Variants in LHFPL3 observed in about 807,000 individuals in gnomAD.
LHFPL3 encodes LHFPL tetraspan subfamily member 3.
Under a neutral mutation model 19.3 loss-of-function variants are expected in LHFPL3, and 5 were observed. The observed-to-expected ratio is 0.26, with a 90% CI of 0.14 to 0.54. The LOEUF (loss-of-function observed/expected upper bound fraction) is 0.54, where lower values mean the gene tolerates loss of function less well. Among genes scored for constraint, LHFPL3 ranks in the 20% least tolerant of loss-of-function variants. The pLI is 0.94. For missense variants in LHFPL3, 249 were observed against 307.4 expected (o/e 0.81, Z 1.42); for synonymous variants, 133 against 126.2 (o/e 1.05, Z -0.36).
intron 1 of LHFPL3, among the ~76,000 whole-genome samples, chr7:104,520,568 A>G (rs1397721517): frequency 3.6e-5 from 5 of 137,656 alleles, no homozygotes; most frequent in Admixed American, 7.5e-5. Context: ...CTGTGAATCC[A>G]TCTGGTCCTG....
At chr7:104,596,295 T>C (rs1048885384) in intron 1 of LHFPL3, among the ~76,000 whole-genome samples, 2 of 152,252 alleles carry the variant, frequency 1.3e-5, no homozygotes, top group East Asian at 3.8e-4. Flanking sequence ...AGAGCTTCCC[T>C]GTGATCTCCA....
intron 1 of LHFPL3, among the ~76,000 whole-genome samples, chr7:104,527,862 A>G (rs1395762238): frequency 6.6e-6 from 1 of 152,202 alleles, no homozygotes; most frequent in African/African-American, 2.4e-5. Context: ...CTGTCTCCCC[A>G]CCCAATAGAG....
intron 1 of LHFPL3, among the ~76,000 whole-genome samples, chr7:104,563,366 G>T (rs1482628864): frequency 6.6e-6 from 1 of 152,308 alleles, no homozygotes; most frequent in East Asian, 1.9e-4. Flanking sequence ...CGAGCCAGGT[G>T]CGGGATATAA....
chr7:104,339,983 A>C (rs1789914358), intron 1 of LHFPL3, among the ~76,000 whole-genome samples: 2 of 152,188 alleles, frequency 1.3e-5, no homozygotes, highest in Admixed American at 1.3e-4. Flanking sequence ...CAGAGTTGCT[A>C]AGGTACTGAC....
intron 1 of LHFPL3, among the ~76,000 whole-genome samples, chr7:104,350,970 G>A (rs1016857557): frequency 5.3e-5 from 8 of 151,856 alleles, no homozygotes; most frequent in African/African-American, 1.9e-4. Context: ...AACCTGGGAG[G>A]CGGAGGTTTC....
intron 2 of LHFPL3, among the ~76,000 whole-genome samples, chr7:104,853,596 G>A (rs545187511): frequency 1.8e-4 from 27 of 152,256 alleles, no homozygotes; most frequent in Non-Finnish European, 3.1e-4. Flanking sequence ...GTAAATTAGT[G>A]CTAATTTGAT....
intron 1 of LHFPL3, among the ~76,000 whole-genome samples, chr7:104,531,391 C>T (rs12535955): frequency 0.61 from 92,148 of 152,026 alleles, 28,195 homozygotes; most frequent in African/African-American, 0.67. Flanking sequence ...TCTGAACTGA[C>T]TTATTTTCTA....
At chr7:104,869,364 A>C (rs953496206) in intron 2 of LHFPL3, among the ~76,000 whole-genome samples, 13 of 152,262 alleles carry the variant, frequency 8.5e-5, no homozygotes, top group Non-Finnish European at 1.9e-4. Context: ...TAATATCCAG[A>C]ATCTACAATG....
intron 2 of LHFPL3, among the ~76,000 whole-genome samples, chr7:104,754,853 C>T (rs188762913): frequency 1.9e-3 from 286 of 152,260 alleles, no homozygotes; most frequent in Admixed American, 2.3e-3. Flanking sequence ...AGTCTTCTCT[C>T]CTTTACTCTC....
At chr7:104,390,281 G>A (rs1325920145) in intron 1 of LHFPL3, among the ~76,000 whole-genome samples, 5 of 151,988 alleles carry the variant, frequency 3.3e-5, no homozygotes, top group African/African-American at 2.4e-5. Context: ...TTGGTGTGCT[G>A]CACCCTTTAA....
chr7:104,623,433 C>T (rs1055472433), intron 1 of LHFPL3, among the ~76,000 whole-genome samples: 1 of 151,466 alleles, frequency 6.6e-6, no homozygotes, highest in African/African-American at 2.4e-5. Context: ...AGTTCGAGAC[C>T]AGCCTGGCCA....
At chr7:104,351,879 C>G (rs1257344254) in intron 1 of LHFPL3, among the ~76,000 whole-genome samples, 1 of 152,070 alleles carries the variant, frequency 6.6e-6, no homozygotes, top group African/African-American at 2.4e-5. Context: ...ACATCGAAGC[C>G]CATCCCTGTT....
chr7:104,549,658 G>A (rs887198473), intron 1 of LHFPL3, among the ~76,000 whole-genome samples: 5 of 152,148 alleles, frequency 3.3e-5, no homozygotes, highest in African/African-American at 1.2e-4. Context: ...ACAACTTTGA[G>A]TAACCTTCTG....
intron 1 of LHFPL3, among the ~76,000 whole-genome samples, chr7:104,602,631 GC>G (rs1172146374): frequency 2.0e-5 from 3 of 152,202 alleles, no homozygotes; most frequent in African/African-American, 7.2e-5. Flanking sequence ...AGCATCTTCA[GC>G]ATTATGTCAG....
At chr7:104,649,923 T>C (rs1468861) in intron 1 of LHFPL3, among the ~76,000 whole-genome samples, 151,137 of 152,328 alleles carry the variant, frequency 0.99, 74,982 homozygotes, top group East Asian at 1. Flanking sequence ...CAGAATCTCA[T>C]CTCATCTAAG....
At chr7:104,571,481 T>C (rs746889956) in intron 1 of LHFPL3, among the ~76,000 whole-genome samples, 1 of 152,176 alleles carries the variant, frequency 6.6e-6, no homozygotes, top group Non-Finnish European at 1.5e-5. Context: ...CCAGCTTTTC[T>C]TCCTCACCAT....
At chr7:104,831,691 G>C (rs376896268) in intron 2 of LHFPL3, among the ~76,000 whole-genome samples, 1 of 151,476 alleles carries the variant, frequency 6.6e-6, no homozygotes, top group African/African-American at 2.4e-5. Context: ...AATGCAGTGG[G>C]GATTTTTCTC....
At chr7:104,447,833 G>C (rs1203471863) in intron 1 of LHFPL3, among the ~76,000 whole-genome samples, 1 of 151,764 alleles carries the variant, frequency 6.6e-6, no homozygotes, top group African/African-American at 2.4e-5. Flanking sequence ...TATATCTATG[G>C]ATCAGTCCAT....
intron 1 of LHFPL3, among the ~76,000 whole-genome samples, chr7:104,529,786 A>T (rs1050965086): frequency 5.9e-5 from 9 of 152,200 alleles, no homozygotes; most frequent in Non-Finnish European, 1.2e-4. Flanking sequence ...GCGCCATTCC[A>T]GAAAAGGCTG....
Sources: gnomAD v4.1 joint callset for allele counts (sites outside exome capture counted in the v4.1 genomes callset) on GRCh38, gnomAD v4.1.1 for gene constraint, MANE v1.5 for transcripts, NCBI Gene and HGNC (gene_info 2026-07-23, HGNC 2026-07-21) for gene names.